Variants in FMNL2 observed in about 807,000 individuals in gnomAD.
FMNL2 encodes the protein formin-like protein 2.
FMNL2 carries 51 observed loss-of-function variants against 130.2 expected under a neutral mutation model. The observed-to-expected ratio is 0.39, with a 90% confidence interval of 0.31 to 0.49. The LOEUF is 0.49. Ranked by LOEUF, FMNL2 falls within the 20% of genes least tolerant of loss-of-function variation. The pLI is 0.85. For synonymous variants in FMNL2, 465 were observed against 467.1 expected, an observed-to-expected ratio of 1.00 and a Z score of 0.06; for missense variants, 977 against 1,316.2, an observed-to-expected ratio of 0.74 and a Z score of 3.99.
chr2:152,548,124 G>A (rs969922488), intron 3 of FMNL2, among the ~76,000 whole-genome samples: 8 of 152,188 alleles, frequency 5.3e-5, no homozygotes, highest in Admixed American at 2.6e-4. Flanking sequence ...GAATGAGGAA[G>A]GGCAGTTCAT....
At chr2:152,632,978 G>A (rs923234026) in intron 21 of FMNL2, among the ~76,000 whole-genome samples, 6 of 152,118 alleles carry the variant, frequency 3.9e-5, no homozygotes, top group Non-Finnish European at 4.4e-5. Flanking sequence ...CTCTAACTCA[G>A]CCATGGTAAA....
intron 1 of FMNL2, among the ~76,000 whole-genome samples, chr2:152,365,444 T>A (rs959800094): frequency 6.6e-6 from 1 of 152,148 alleles, no homozygotes; most frequent in Non-Finnish European, 1.5e-5. Flanking sequence ...AATGCTGGGA[T>A]GGCTTAGAGT....
chr2:152,345,213 G>T (rs941736588), intron 1 of FMNL2, among the ~76,000 whole-genome samples: 2 of 152,324 alleles, frequency 1.3e-5, no homozygotes, highest in East Asian at 3.9e-4. Flanking sequence ...GCAAGAGAGG[G>T]TATGGATTTA....
intron 1 of FMNL2, among the ~76,000 whole-genome samples, chr2:152,520,700 A>G (rs1224902860): frequency 6.6e-6 from 1 of 152,202 alleles, no homozygotes; most frequent in African/African-American, 2.4e-5. Context: ...ATACCAATCT[A>G]GATGTTAGAT....
chr2:152,474,804 G>T (rs999776710), intron 1 of FMNL2, among the ~76,000 whole-genome samples: 1 of 152,214 alleles, frequency 6.6e-6, no homozygotes, highest in Non-Finnish European at 1.5e-5. Context: ...GACCTATGGA[G>T]CCATGGAGCT....
Position 152,649,801 on chromosome 2 carries a change from C to CAAAT in FMNL2, c.*1899_*1902dup, listed in dbSNP as rs1208465956. 6.6e-6 allele frequency: 1 copy of CAAAT among 152,580 alleles called. No homozygotes were observed. Among genetic ancestry groups the CAAAT allele is most frequent in the African/African-American group, 2.4e-5 (1 of 41,438 alleles). 9.5% of individuals were successfully genotyped at this position (152,580 alleles called of 1,614,324 possible). On this transcript the variant is annotated 3_prime_UTR_variant, in exon 26 of 26. Coordinates refer to ENST00000288670, the MANE Select transcript of FMNL2 (RefSeq NM_052905.4). ...TTCTGGTCTTTTCATGGCATATGAG[C>CAAAT]AAATAATAAACTATTTACACTACTA...
intron 1 of FMNL2, among the ~76,000 whole-genome samples, chr2:152,467,013 T>G (rs1403741447): frequency 6.6e-6 from 1 of 152,164 alleles, no homozygotes; most frequent in African/African-American, 2.4e-5. Flanking sequence ...GAAGCTTCAC[T>G]TATAGCCAGA....
chr2:152,577,652 A>G (rs1558978070), intron 7 of FMNL2, among the ~76,000 whole-genome samples: 1 of 152,186 alleles, frequency 6.6e-6, no homozygotes, highest in South Asian at 2.1e-4. Flanking sequence ...AGTGAAGGAC[A>G]TATTTCAAGG....
At chr2:152,388,970 C>G (rs1684944156) in intron 1 of FMNL2, among the ~76,000 whole-genome samples, 2 of 152,038 alleles carry the variant, frequency 1.3e-5, no homozygotes, top group African/African-American at 4.8e-5. Flanking sequence ...AGGTGGCTAG[C>G]AGGATGAGGC....
At chr2:152,492,211 C>G (rs552392527) in intron 1 of FMNL2, among the ~76,000 whole-genome samples, 18 of 152,230 alleles carry the variant, frequency 1.2e-4, no homozygotes, top group Admixed American at 1.2e-3. Context: ...CCCCCACCCT[C>G]TGCCCCCAGA....
intron 1 of FMNL2, among the ~76,000 whole-genome samples, chr2:152,382,500 G>A (rs1684529588): frequency 6.6e-6 from 1 of 152,026 alleles, no homozygotes; most frequent in African/African-American, 2.4e-5. Context: ...GCTGAGAGAG[G>A]GTCCACTTGC....
intron 1 of FMNL2, among the ~76,000 whole-genome samples, chr2:152,478,461 C>T (rs1252844340): frequency 6.6e-6 from 1 of 151,958 alleles, no homozygotes; most frequent in Non-Finnish European, 1.5e-5. Context: ...TGGTCTCAAA[C>T]TCCTGACCTC....
chr2:152,586,155 AAAGCCTGAGTTTGGTT>A (rs1319468310), intron 9 of FMNL2, among the ~76,000 whole-genome samples: 1 of 152,166 alleles, frequency 6.6e-6, no homozygotes, highest in Non-Finnish European at 1.5e-5. Context: ...CTTTAGCAAA[AAAGCCTGAGTTTGGTT>A]ATTAAAGGCT....
intron 1 of FMNL2, among the ~76,000 whole-genome samples, chr2:152,467,730 T>C (rs1182458784): frequency 8.5e-5 from 13 of 152,240 alleles, no homozygotes; most frequent in Non-Finnish European, 1.3e-4. Context: ...AGCATATGCA[T>C]GTGTGCACAC....
intron 15 of FMNL2, among the ~76,000 whole-genome samples, chr2:152,622,813 T>C (rs1323234381): frequency 1.1e-5 from 1 of 88,952 alleles, no homozygotes; most frequent in African/African-American, 4.8e-5. Flanking sequence ...TGAGAAAAGG[T>C]TTTTTTTTTT....
chr2:152,470,493 A>G (rs1689797545), intron 1 of FMNL2, among the ~76,000 whole-genome samples: 1 of 152,250 alleles, frequency 6.6e-6, no homozygotes, highest in South Asian at 2.1e-4. Context: ...GCTGATAAAG[A>G]TGAAAAGCTC....
intron 1 of FMNL2, among the ~76,000 whole-genome samples, chr2:152,338,241 G>A (rs1360712670): frequency 6.6e-6 from 1 of 152,126 alleles, no homozygotes; most frequent in African/African-American, 2.4e-5. Context: ...GATCATACGG[G>A]TGTTTTGGGA....
chr2:152,601,667 C>CTTTTTTTTTTTT (rs36031692), intron 9 of FMNL2, among the ~76,000 whole-genome samples: 10 of 132,236 alleles, frequency 7.6e-5, no homozygotes, highest in African/African-American at 2.5e-4. Context: ...CTTTTCTTTT[C>CTTTTTTTTTTTT]TTTCTTTTTT....
intron 2 of FMNL2, among the ~76,000 whole-genome samples, chr2:152,523,707 A>G (rs551457143): frequency 1.3e-5 from 2 of 152,314 alleles, no homozygotes; most frequent in African/African-American, 4.8e-5. Flanking sequence ...TGACTTTATC[A>G]TGAAGTGGCC....
Sources: gnomAD v4.1 joint callset for allele counts (sites outside exome capture counted in the v4.1 genomes callset) on GRCh38, gnomAD v4.1.1 for gene constraint, MANE v1.5 for transcripts, NCBI Gene and HGNC (gene_info 2026-07-23, HGNC 2026-07-21) for gene names.